Variants in ANKS1B observed in about 807,000 individuals in gnomAD.
ANKS1B encodes the protein ankyrin repeat and sterile alpha motif domain-containing protein 1B.
Under a neutral mutation model 148.3 loss-of-function variants are expected in ANKS1B, and 36 were observed. That is an observed-to-expected ratio of 0.24 (90% CI 0.19 to 0.32). ANKS1B has a LOEUF of 0.32. ANKS1B is among the 10% of genes least tolerant of loss of function. The pLI, the probability that ANKS1B is intolerant of heterozygous loss-of-function variation, is 1.00. For synonymous variants in ANKS1B, 542 were observed against 560.8 expected (o/e 0.97, Z 0.47); for missense variants, 1,157 against 1,542.6 (o/e 0.75, Z 4.19).
In ANKS1B at chr12:99,649,607, G is replaced by A; in HGVS notation, c.1272+5460C>T. 5 of 527,078 alleles carry A rather than the reference G, an allele frequency of 9.5e-6. No homozygotes were observed. In the East Asian group the frequency reaches 1.6e-4, roughly 17 times the overall value. 32.7% of individuals were successfully genotyped at this position (527,078 alleles called of 1,614,324 possible). On this transcript the variant is annotated intron_variant, in intron 9 of 26. Coordinates refer to ENST00000683438, the MANE Select transcript of ANKS1B (RefSeq NM_001352186.2). ...GGCAAAAGCAGCCTTCAGAGGTCCA[G>A]GAGGAAGTATAGCCAGCATGGCTAT...
In ANKS1B at chr12:98,884,627, G is replaced by A. The variant is rs188490633; in HGVS notation, c.2779-52491C>T. ...ATCCTGGCTAACAAGGTGAAACCCCGTCTCTACTAAAAATACAAAAAATTA... is the reference window on the plus strand; with the variant it reads ...ATCCTGGCTAACAAGGTGAAACCCCATCTCTACTAAAAATACAAAAAATTA... On this transcript the variant is annotated intron_variant, in intron 17 of 26. Coordinates refer to ENST00000683438, the MANE Select transcript of ANKS1B (RefSeq NM_001352186.2). Among the ~76,000 whole-genome samples the A allele has an allele frequency of 4.5e-3, 686 of 151,060 alleles. 5 individuals carry two copies. The highest frequency in any genetic ancestry group is 0.016 in the African/African-American group (662 of 41,140).
chr12:99,372,293 AAT>A (rs980139821), intron 12 of ANKS1B, among the ~76,000 whole-genome samples: 1 of 152,004 alleles, frequency 6.6e-6, no homozygotes, highest in African/African-American at 2.4e-5. Flanking sequence ...AAAAAGAAAA[AAT>A]ATGTCTTAAA....
chr12:99,216,226 A>C (rs981570093), intron 14 of ANKS1B, among the ~76,000 whole-genome samples: 1 of 152,168 alleles, frequency 6.6e-6, no homozygotes, highest in African/African-American at 2.4e-5. Flanking sequence ...GAGTCCATTA[A>C]ACCTCTTTTT....
chr12:99,291,414 C>T (rs1038729937), intron 12 of ANKS1B, among the ~76,000 whole-genome samples: 5 of 152,002 alleles, frequency 3.3e-5, no homozygotes, highest in Admixed American at 2.0e-4. Context: ...TATGGAACCA[C>T]AAAAGAACTA....
At chr12:99,380,376 A>T (rs1413624762) in intron 12 of ANKS1B, among the ~76,000 whole-genome samples, 1 of 152,040 alleles carries the variant, frequency 6.6e-6, no homozygotes, top group Non-Finnish European at 1.5e-5. Flanking sequence ...ATAAATAGTT[A>T]AAAAACTTTT....
intron 15 of ANKS1B, among the ~76,000 whole-genome samples, chr12:99,129,416 G>C (rs1326759701): frequency 6.6e-6 from 1 of 152,214 alleles, no homozygotes; most frequent in African/African-American, 2.4e-5. Context: ...GACAGGGCCT[G>C]TCAGAATTAC....
chr12:99,029,476 A>G (rs1373205027), intron 17 of ANKS1B, among the ~76,000 whole-genome samples: 1 of 152,150 alleles, frequency 6.6e-6, no homozygotes, highest in Non-Finnish European at 1.5e-5. Context: ...TGAAGGGTGA[A>G]TTGCTCACGC....
intron 1 of ANKS1B, among the ~76,000 whole-genome samples, chr12:99,932,492 T>G (rs1224967764): frequency 6.6e-6 from 1 of 152,198 alleles, no homozygotes; most frequent in Non-Finnish European, 1.5e-5. Flanking sequence ...TGATATCTCC[T>G]TGTAGTTTTG....
intron 10 of ANKS1B, among the ~76,000 whole-genome samples, chr12:99,466,552 AAAG>A (rs2096119269): frequency 6.6e-6 from 1 of 151,006 alleles, no homozygotes; most frequent in African/African-American, 2.5e-5. Context: ...CAAGACTAAT[AAAG>A]AAGAAAAGAG....
intron 14 of ANKS1B, among the ~76,000 whole-genome samples, chr12:99,216,109 C>T (rs540412989): frequency 3.3e-5 from 5 of 152,160 alleles, no homozygotes; most frequent in Admixed American, 1.3e-4. Flanking sequence ...TTATAAAGGG[C>T]AGTTTCCCTG....
intron 14 of ANKS1B, among the ~76,000 whole-genome samples, chr12:99,234,217 C>G (rs2087419738): frequency 6.6e-6 from 1 of 152,096 alleles, no homozygotes; most frequent in South Asian, 2.1e-4. Flanking sequence ...ATTTACCTCC[C>G]ATTAATTTCA....
chr12:99,404,661 T>C lies in ANKS1B; in HGVS notation c.1576-4850A>G, dbSNP rs539448946. Among the ~76,000 whole-genome samples, 8 of 144,958 alleles carry C rather than the reference T, an allele frequency of 5.5e-5. 1 individual carries two copies. Among genetic ancestry groups the C allele is most frequent in the African/African-American group, 2.1e-4 (8 of 38,202 alleles). ...AATCATGGCTTCAAGATCTAGAAAA[T>C]AGCTTCCAAAGGGCAAATCTAACAG... On this transcript the variant is annotated intron_variant, in intron 11 of 26. Transcript: ENST00000683438.
At chr12:99,872,087 G>A (rs2153729373) in intron 1 of ANKS1B, among the ~76,000 whole-genome samples, 1 of 152,186 alleles carries the variant, frequency 6.6e-6, no homozygotes, top group South Asian at 2.1e-4. Flanking sequence ...ATATGTACTA[G>A]GATGGCTAAA....
intron 1 of ANKS1B, among the ~76,000 whole-genome samples, chr12:99,863,514 G>C (rs2090312946): frequency 6.6e-6 from 1 of 151,466 alleles, no homozygotes; most frequent in African/African-American, 2.4e-5. Context: ...AGGAGATTGA[G>C]ACCATCCTGG....
At position 99,891,043 on chromosome 12, in the gene ANKS1B, G is replaced by A. The variant is rs139321712; in HGVS notation, c.135-65654C>T. On this transcript the variant is annotated intron_variant, in intron 1 of 26. Transcript: ENST00000683438. Reference sequence around the variant, plus strand: ...ACACTTAAGTGGAATCACACAACACGTAGTCTTGCATCTGACTCCTTTAAA... The same window carrying A: ...ACACTTAAGTGGAATCACACAACACATAGTCTTGCATCTGACTCCTTTAAA... Among the ~76,000 whole-genome samples the A allele has an allele frequency of 1.2e-4, 18 of 152,304 alleles. No individual in the cohort carries two copies. In the East Asian group the frequency reaches 1.5e-3, roughly 13 times the overall value.
intron 1 of ANKS1B, among the ~76,000 whole-genome samples, chr12:99,963,445 G>C (rs888102971): frequency 1.3e-5 from 2 of 152,198 alleles, no homozygotes; most frequent in Non-Finnish European, 2.9e-5. Context: ...CCCAAACCTA[G>C]GGAAGGAGAG....
intron 1 of ANKS1B, among the ~76,000 whole-genome samples, chr12:99,861,830 T>C (rs1279634921): frequency 1.3e-5 from 2 of 152,238 alleles, no homozygotes; most frequent in East Asian, 1.9e-4. Flanking sequence ...TATCCTATTA[T>C]GTATTCCAAA....
intron 8 of ANKS1B, among the ~76,000 whole-genome samples, chr12:99,739,351 C>T (rs1232062672): frequency 1.5e-4 from 13 of 88,146 alleles, no homozygotes; most frequent in East Asian, 3.6e-4. Flanking sequence ...TTGGGGGGGG[C>T]GGGGCCAAAA....
intron 19 of ANKS1B, among the ~76,000 whole-genome samples, chr12:98,810,858 C>T (rs1164970437): frequency 6.6e-6 from 1 of 152,212 alleles, no homozygotes; most frequent in Non-Finnish European, 1.5e-5. Context: ...TTCCTTCCCT[C>T]CTTGTGTGTC....
Sources: gnomAD v4.1 joint callset for allele counts (sites outside exome capture counted in the v4.1 genomes callset) on GRCh38, gnomAD v4.1.1 for gene constraint, MANE v1.5 for transcripts, NCBI Gene and HGNC (gene_info 2026-07-23, HGNC 2026-07-21) for gene names.